TMEM132D: variants seen among roughly 807,000 people sequenced by gnomAD.
The protein encoded by TMEM132D is transmembrane protein 132D.
In TMEM132D, 21 loss-of-function variants were observed where a neutral mutation model predicts 62.3. The observed-to-expected ratio is 0.34, with a 90% CI of 0.24 to 0.49. The LOEUF (loss-of-function observed/expected upper bound fraction) is 0.49, where lower values mean the gene tolerates loss of function less well. Among genes scored for constraint, TMEM132D ranks in the 20% least tolerant of loss-of-function variants. TMEM132D has a pLI of 0.99. For synonymous variants in TMEM132D, 621 were observed against 575.6 expected (o/e 1.08, Z -1.13); for missense variants, 1,346 against 1,402.8 (o/e 0.96, Z 0.65).
At chr12:129,689,079 C>G (rs920850286) in intron 2 of TMEM132D, among the ~76,000 whole-genome samples, 8 of 152,102 alleles carry the variant, frequency 5.3e-5, no homozygotes, top group Non-Finnish European at 1.0e-4. Context: ...CACAGACTAT[C>G]CTCACAACAA....
chr12:129,347,082 T>A (rs1008881759), intron 3 of TMEM132D, among the ~76,000 whole-genome samples: 5 of 152,192 alleles, frequency 3.3e-5, no homozygotes, highest in African/African-American at 1.2e-4. Flanking sequence ...GGAAAAACAT[T>A]CCATGCTCGT....
intron 1 of TMEM132D, among the ~76,000 whole-genome samples, chr12:129,738,200 C>A (rs1205441530): frequency 6.6e-6 from 1 of 152,138 alleles, no homozygotes; most frequent in East Asian, 1.9e-4. Context: ...TCCTGCTACA[C>A]TTAAGGGGCC....
intron 5 of TMEM132D, among the ~76,000 whole-genome samples, chr12:129,093,638 T>G (rs550099524): frequency 1.3e-5 from 2 of 152,144 alleles, no homozygotes; most frequent in African/African-American, 4.8e-5. Flanking sequence ...CAATGTCATC[T>G]CCATCAAGCT....
intron 4 of TMEM132D, among the ~76,000 whole-genome samples, chr12:129,305,889 A>G (rs1269773006): frequency 1.3e-5 from 2 of 152,220 alleles, no homozygotes; most frequent in Non-Finnish European, 2.9e-5. Flanking sequence ...ATCAAATTGT[A>G]GATACAAAGC....
At chr12:129,781,888 T>C (rs916101794) in intron 1 of TMEM132D, among the ~76,000 whole-genome samples, 2 of 152,184 alleles carry the variant, frequency 1.3e-5, no homozygotes, top group Non-Finnish European at 2.9e-5. Context: ...GTTTGGCAAT[T>C]AGCAGTCACA....
intron 1 of TMEM132D, among the ~76,000 whole-genome samples, chr12:129,709,668 G>A (rs910311964): frequency 6.6e-6 from 1 of 152,152 alleles, no homozygotes; most frequent in Admixed American, 6.5e-5. Context: ...TGCCTTTAAT[G>A]CATGTTTTTT....
chr12:129,792,218 T>C (rs1871419322), intron 1 of TMEM132D, among the ~76,000 whole-genome samples: 1 of 152,178 alleles, frequency 6.6e-6, no homozygotes, highest in Non-Finnish European at 1.5e-5. Flanking sequence ...TGCTTTCCTT[T>C]TTATTGCACT....
chr12:129,168,376 G>A (rs1877623522), intron 5 of TMEM132D, among the ~76,000 whole-genome samples: 1 of 152,090 alleles, frequency 6.6e-6, no homozygotes, highest in African/African-American at 2.4e-5. Context: ...TGACCACTAT[G>A]TAATTTTTGC....
intron 2 of TMEM132D, among the ~76,000 whole-genome samples, chr12:129,574,962 CTTGCAGA>C (rs1246837947): frequency 6.6e-6 from 1 of 151,764 alleles, no homozygotes; most frequent in Non-Finnish European, 1.5e-5. Context: ...ACTCTTCCTG[CTTGCAGA>C]GACGCAGCCA....
At chr12:129,479,012 C>A (rs1191213384) in intron 3 of TMEM132D, among the ~76,000 whole-genome samples, 1 of 152,180 alleles carries the variant, frequency 6.6e-6, no homozygotes, top group African/African-American at 2.4e-5. Context: ...CCTCTTTGTT[C>A]TCTTACGTTC....
chr12:129,244,403 A>AAAC (rs1555240899), intron 4 of TMEM132D, among the ~76,000 whole-genome samples: 1,557 of 145,318 alleles, frequency 0.011, 21 homozygotes, highest in African/African-American at 0.038. Flanking sequence ...AAAAAAAAAA[A>AAAC]AAAAAACAAA....
intron 4 of TMEM132D, among the ~76,000 whole-genome samples, chr12:129,290,332 G>A (rs942463529): frequency 2.0e-5 from 3 of 151,994 alleles, no homozygotes; most frequent in South Asian, 2.1e-4. Context: ...TCAACTTTAC[G>A]TGAGTGAGAA....
chr12:129,305,762 A>T (rs942862114), intron 4 of TMEM132D, among the ~76,000 whole-genome samples: 1 of 152,164 alleles, frequency 6.6e-6, no homozygotes, highest in Non-Finnish European at 1.5e-5. Flanking sequence ...CGTCTCTCAC[A>T]GGGTGTCATG....
chr12:129,542,681 T>C (rs1876615505), intron 2 of TMEM132D, among the ~76,000 whole-genome samples: 1 of 152,154 alleles, frequency 6.6e-6, no homozygotes, highest in Non-Finnish European at 1.5e-5. Flanking sequence ...TTATACTACA[T>C]ATATGTATAT....
chr12:129,557,054 A>G (rs1239076300), intron 2 of TMEM132D, among the ~76,000 whole-genome samples: 2 of 152,234 alleles, frequency 1.3e-5, no homozygotes, highest in African/African-American at 4.8e-5. Flanking sequence ...TCTAAATACC[A>G]TGGTGATTTG....
chr12:129,726,503 G>T (rs1869042808), intron 1 of TMEM132D, among the ~76,000 whole-genome samples: 1 of 152,146 alleles, frequency 6.6e-6, no homozygotes, highest in Non-Finnish European at 1.5e-5. Flanking sequence ...GAAGAGGGGA[G>T]ATGGGGTCAG....
chr12:129,732,335 G>T (rs2137253001), intron 1 of TMEM132D, among the ~76,000 whole-genome samples: 1 of 152,320 alleles, frequency 6.6e-6, no homozygotes, highest in Non-Finnish European at 1.5e-5. Flanking sequence ...GGTGGCCCCA[G>T]GAGAGCTTTA....
chr12:129,335,918 G>A (rs1029739240), intron 4 of TMEM132D, among the ~76,000 whole-genome samples: 1 of 152,174 alleles, frequency 6.6e-6, no homozygotes, highest in Non-Finnish European at 1.5e-5. Flanking sequence ...TTGAACTTTG[G>A]CCTTTTTAAG....
intron 5 of TMEM132D, among the ~76,000 whole-genome samples, chr12:129,136,033 G>A (rs1321639700): frequency 6.6e-6 from 1 of 151,994 alleles, no homozygotes; most frequent in Non-Finnish European, 1.5e-5. Flanking sequence ...GAATTTTGGG[G>A]GACATAATTC....
Sources: gnomAD v4.1 joint callset for allele counts (sites outside exome capture counted in the v4.1 genomes callset) on GRCh38, gnomAD v4.1.1 for gene constraint, MANE v1.5 for transcripts, NCBI Gene and HGNC (gene_info 2026-07-23, HGNC 2026-07-21) for gene names.